The following TAF4B variants were observed in gnomAD, a reference collection of about 807,000 sequenced individuals.
The protein encoded by TAF4B is TATA-box binding protein associated factor 4b.
A neutral mutation model predicts 86.4 loss-of-function variants in TAF4B; 38 were observed. The observed-to-expected ratio is 0.44, with a 90% CI of 0.34 to 0.58. TAF4B has a LOEUF of 0.58. TAF4B is among the 20% of genes least tolerant of loss of function. TAF4B has a pLI of 0.02. For missense variants in TAF4B, 988 were observed against 1,027.6 expected, an observed-to-expected ratio of 0.96 and a Z score of 0.53; for synonymous variants, 388 against 391.2, an observed-to-expected ratio of 0.99 and a Z score of 0.10.
intron 14 of TAF4B, among the ~76,000 whole-genome samples, chr18:26,374,271 TA>T (rs1293736865): frequency 1.3e-5 from 2 of 152,244 alleles, no homozygotes; most frequent in Admixed American, 1.3e-4. Flanking sequence ...AAATTTTTTT[TA>T]AAAGGCTGTC....
At chr18:26,325,510 C>T (rs551814466) in intron 11 of TAF4B, among the ~76,000 whole-genome samples, 16 of 151,806 alleles carry the variant, frequency 1.1e-4, no homozygotes, top group South Asian at 4.2e-4. Flanking sequence ...TTTAGTGATA[C>T]GGAAGAAAAA....
intron 11 of TAF4B, 26 bp downstream of exon 11, chr18:26,321,226 A>G (rs752848266): frequency 3.7e-6 from 6 of 1,612,614 alleles, no homozygotes; most frequent in Middle Eastern, 1.6e-4. Flanking sequence ...AAAGAAGTAT[A>G]AACTCTCGAG....
At chr18:26,294,485 C>G (rs1054589682) in intron 9 of TAF4B, among the ~76,000 whole-genome samples, 8 of 150,666 alleles carry the variant, frequency 5.3e-5, no homozygotes, top group Admixed American at 1.3e-4. Flanking sequence ...TTCTTACGAT[C>G]AAGTGTTTTT....
intron 3 of TAF4B, among the ~76,000 whole-genome samples, chr18:26,269,265 A>C (rs979491546): frequency 6.6e-6 from 1 of 152,074 alleles, no homozygotes; most frequent in African/African-American, 2.4e-5. Flanking sequence ...GGGGCCATTC[A>C]TGCTTCTTCT....
At chr18:26,262,941 C>CT (rs902626012) in intron 1 of TAF4B, among the ~76,000 whole-genome samples, 137 of 146,986 alleles carry the variant, frequency 9.3e-4, no homozygotes, top group East Asian at 2.0e-3. Context: ...ACACAAAAGA[C>CT]TTTTTTTTTT....
chr18:26,316,236 G>A (rs1364838740), intron 10 of TAF4B, among the ~76,000 whole-genome samples: 4 of 152,178 alleles, frequency 2.6e-5, no homozygotes, highest in African/African-American at 9.6e-5. Context: ...ATACAAAAAC[G>A]TGAAGGTTTC....
chr18:26,299,913 G>A (rs1176631924), intron 9 of TAF4B, among the ~76,000 whole-genome samples: 1 of 151,886 alleles, frequency 6.6e-6, no homozygotes, highest in Non-Finnish European at 1.5e-5. Flanking sequence ...ACTTTTTCAG[G>A]CATGAAATTA....
At chr18:26,306,641 A>T (rs1052675089) in intron 9 of TAF4B, among the ~76,000 whole-genome samples, 1 of 152,166 alleles carries the variant, frequency 6.6e-6, no homozygotes, top group Non-Finnish European at 1.5e-5. Context: ...ACAAAGGTGC[A>T]CTTTTCATTT....
chr18:26,335,004 A>C (rs1008499882), intron 12 of TAF4B, among the ~76,000 whole-genome samples, 171 bp from the exon 13 acceptor site: 1 of 152,134 alleles, frequency 6.6e-6, no homozygotes, highest in Non-Finnish European at 1.5e-5. Context: ...CCAGATGATG[A>C]GGGGGCAGGG....
At chr18:26,296,798 T>C (rs1399459206) in intron 9 of TAF4B, among the ~76,000 whole-genome samples, 1 of 152,168 alleles carries the variant, frequency 6.6e-6, no homozygotes, top group African/African-American at 2.4e-5. Flanking sequence ...TTTGGATTTG[T>C]CCTTTCTAGA....
rs901344698 is a variant in TAF4B at position 26,256,485 on chromosome 18, AGTT to A, written c.344-8681_344-8679del. On this transcript the variant is annotated intron_variant, in intron 1 of 14. Transcript: ENST00000269142. ...TACTCCAGTTTTGTTGATTTTTCTC[AGTT>A]GTTTTTCTATTCTCTATTTGCCCCT... is the stretch of plus-strand genomic sequence containing the variant. 1.9e-5 allele frequency: 12 copies of A among 617,114 alleles called. 1 individual carries two copies. The highest frequency in any genetic ancestry group is 1.5e-4 in the African/African-American group (8 of 54,138). The allele number at this position is 617,114 out of a possible 1,614,324, so 38.2% of individuals were successfully genotyped here. A position where few individuals can be genotyped will look rare whatever the true frequency, so the allele number is the denominator to read the frequency against.
chr18:26,287,934 A>G (rs1206962385), intron 7 of TAF4B, among the ~76,000 whole-genome samples: 2 of 152,184 alleles, frequency 1.3e-5, no homozygotes, highest in Non-Finnish European at 2.9e-5. Flanking sequence ...CCCACTCTGC[A>G]TCTCATTTTC....
intron 1 of TAF4B, among the ~76,000 whole-genome samples, chr18:26,235,676 G>C (rs555911829): frequency 3.3e-5 from 5 of 152,312 alleles, no homozygotes; most frequent in East Asian, 1.9e-4. Context: ...TGTGTGGTCT[G>C]TGGGATCCTC....
At chr18:26,367,867 C>G (rs1415404435) in intron 14 of TAF4B, among the ~76,000 whole-genome samples, 1 of 152,192 alleles carries the variant, frequency 6.6e-6, no homozygotes, top group Non-Finnish European at 1.5e-5. Flanking sequence ...TTAATAGACA[C>G]TCATAATGCT....
chr18:26,273,546 G>C (rs1325102444), intron 3 of TAF4B, among the ~76,000 whole-genome samples: 1 of 152,068 alleles, frequency 6.6e-6, no homozygotes, highest in African/African-American at 2.4e-5. Context: ...CATTTTAAAT[G>C]TTCTTCCTGT....
At chr18:26,235,936 T>G (rs2055741559) in intron 1 of TAF4B, among the ~76,000 whole-genome samples, 1 of 152,252 alleles carries the variant, frequency 6.6e-6, no homozygotes, top group Non-Finnish European at 1.5e-5. Context: ...ATTTTCTTAC[T>G]AAGCCTTGAG....
At chr18:26,359,970 G>C (rs2057317926) in intron 14 of TAF4B, among the ~76,000 whole-genome samples, 1 of 151,166 alleles carries the variant, frequency 6.6e-6, no homozygotes, top group Non-Finnish European at 1.5e-5. Context: ...CACCTGCCTT[G>C]GCCTCCCAAA....
At chr18:26,381,165 C>A (rs2057475796) in intron 14 of TAF4B, among the ~76,000 whole-genome samples, 1 of 151,938 alleles carries the variant, frequency 6.6e-6, no homozygotes, top group African/African-American at 2.4e-5. Context: ...CAGGCACACA[C>A]CACCACGCCT....
intron 13 of TAF4B, among the ~76,000 whole-genome samples, chr18:26,336,092 A>G (rs984413444): frequency 1.3e-5 from 2 of 152,208 alleles, no homozygotes; most frequent in Non-Finnish European, 2.9e-5. Context: ...TGAATAAATC[A>G]TCAAGCCTGT....
Sources: allele counts gnomAD v4.1 joint callset (sites outside exome capture counted in the v4.1 genomes callset), GRCh38; gene constraint gnomAD v4.1.1; transcripts MANE v1.5; gene names NCBI Gene and HGNC (gene_info 2026-07-23, HGNC 2026-07-21).